CA5A: variants seen among roughly 807,000 people sequenced by gnomAD.
CA5A encodes the protein carbonic anhydrase 5A, mitochondrial.
In CA5A, 28 loss-of-function variants were observed where a neutral mutation model predicts 37.1. That is an observed-to-expected ratio of 0.75 (90% CI 0.56 to 1.03). The LOEUF (loss-of-function observed/expected upper bound fraction) is 1.03. CA5A is among the 50% of genes least tolerant of loss of function. The pLI is 0.00. For missense variants in CA5A, 444 were observed against 399.9 expected (o/e 1.11, Z -0.94); for synonymous variants, 171 against 158.4 (o/e 1.08, Z -0.60).
At chr16:87,921,255 C>T (rs2056225520) in intron 2 of CA5A, among the ~76,000 whole-genome samples, 1 of 152,328 alleles carries the variant, frequency 6.6e-6, no homozygotes, top group African/African-American at 2.4e-5. Flanking sequence ...TTTATCAGGA[C>T]TCTTGGAAGC....
chr16:87,925,462 G>A (rs1411546023), intron 2 of CA5A: 1 of 152,200 alleles, frequency 6.6e-6, no homozygotes, highest in Non-Finnish European at 1.5e-5. Flanking sequence ...GCAACTCAGT[G>A]CCCAAGGGTT....
chr16:87,909,499 G>A (rs1289938761), intron 2 of CA5A, among the ~76,000 whole-genome samples: 2 of 152,236 alleles, frequency 1.3e-5, no homozygotes, highest in African/African-American at 4.8e-5. Context: ...AACAGCAGGT[G>A]CAGGGGCCGA....
At chr16:87,923,918 T>G (rs1281686447) in intron 2 of CA5A, 2 of 984,848 alleles carry the variant, frequency 2.0e-6, no homozygotes, top group Non-Finnish European at 2.4e-6. Context: ...TCAGGAACTA[T>G]TTTTGGTTTT....
At chr16:87,916,658 T>C (rs1288305195) in intron 2 of CA5A, among the ~76,000 whole-genome samples, 1 of 152,244 alleles carries the variant, frequency 6.6e-6, no homozygotes, top group Non-Finnish European at 1.5e-5. Flanking sequence ...TATTAATTAA[T>C]GTTTACTAAT....
chr16:87,926,599 T>C (rs1056408338), intron 2 of CA5A, 149 bp downstream of exon 2: 2 of 640,616 alleles, frequency 3.1e-6, no homozygotes, highest in Non-Finnish European at 5.5e-6. Flanking sequence ...CCCAGGTGTG[T>C]CCTCCCTCAA....
Position 87,893,128 on chromosome 16 carries a change from T to C in CA5A, c.619-1174A>G, listed in dbSNP as rs1298394395. The C allele has an allele frequency of 6.3e-6, 3 of 477,328 alleles. No homozygotes were observed. The East Asian group carries it at 1.1e-4, about 17-fold the overall frequency. The allele number at this position is 477,328 out of a possible 1,614,324, so 29.6% of individuals were successfully genotyped here. A position where few individuals can be genotyped will look rare whatever the true frequency, so the allele number is the denominator to read the frequency against. ...TAGAGACATTTCTTTCTTTCTTCCT[T>C]TCTTTCTTTCTTTCTTTCTTTTTTT... On this transcript the variant is annotated intron_variant, in intron 5 of 6. Coordinates refer to ENST00000649794, the MANE Select transcript of CA5A (RefSeq NM_001739.2).
At chr16:87,936,100 A>G (rs2056466776) in intron 1 of CA5A, among the ~76,000 whole-genome samples, 1 of 148,748 alleles carries the variant, frequency 6.7e-6, no homozygotes, top group Non-Finnish European at 1.5e-5. Flanking sequence ...TGAACCCGGG[A>G]AGTGGAGGTT....
intron 2 of CA5A, among the ~76,000 whole-genome samples, chr16:87,917,118 AAAAG>A (rs1425171110): frequency 7.9e-5 from 6 of 76,388 alleles, no homozygotes; most frequent in African/African-American, 3.1e-4. Context: ...AAAAAAAAAA[AAAAG>A]AAAAGAAAAG....
rs1229010659 is a variant in CA5A at position 87,888,398 on chromosome 16, T to C, written c.775-126A>G. The C allele has an allele frequency of 2.9e-5, 24 of 831,808 alleles. No homozygotes were observed. The Admixed American group carries it at 4.6e-4, about 16-fold the overall frequency. The allele number at this position is 831,808 out of a possible 1,614,324, so 51.5% of individuals were successfully genotyped here. A position where few individuals can be genotyped will look rare whatever the true frequency, so the allele number is the denominator to read the frequency against. On this transcript the variant is annotated intron_variant, in intron 6 of 6. Coordinates refer to ENST00000649794, the MANE Select transcript of CA5A (RefSeq NM_001739.2). ...AGGATGGCCCGAAATGATCAATAAATATGGTGGAAGTGATGGTGTGTGCAG... is the reference window on the plus strand; with the variant it reads ...AGGATGGCCCGAAATGATCAATAAACATGGTGGAAGTGATGGTGTGTGCAG...
intron 2 of CA5A, chr16:87,923,864 T>G (rs942763134): frequency 1.3e-5 from 13 of 984,386 alleles, no homozygotes; most frequent in Non-Finnish European, 1.6e-5. Context: ...GTTCTCAAAA[T>G]TACTAATACA....
At position 87,926,874 on chromosome 16, in the gene CA5A, T is replaced by G. The variant is rs150841082; in HGVS notation, c.214A>C (p.Arg72=). 2,486 of 1,612,346 alleles carry G rather than the reference T, an allele frequency of 1.5e-3. 3 individuals are homozygous for G. The highest frequency in any genetic ancestry group is 1.9e-3 in the Non-Finnish European group (2,237 of 1,179,118). Reference sequence around the variant, plus strand: ...AGCTGGGGGTCATAGACGCTGTCCCTCCACTGGATGTTAATAGGAGACTGC... The same window carrying G: ...AGCTGGGGGTCATAGACGCTGTCCCGCCACTGGATGTTAATAGGAGACTGC... The part of the protein sequence containing the change: ...TRQSPINIQW[R]DSVYDPQLKP... The change falls in exon 2 of 7, where the codon AGG becomes CGG. Residue 72 remains arginine (R), a synonymous_variant. Coordinates refer to ENST00000649794, the MANE Select transcript of CA5A (RefSeq NM_001739.2).
At chr16:87,925,813 C>T (rs1228831826) in intron 2 of CA5A, among the ~76,000 whole-genome samples, 11 of 152,102 alleles carry the variant, frequency 7.2e-5, no homozygotes, top group African/African-American at 2.4e-4. Flanking sequence ...CAGCCCACCC[C>T]GTCCCTCCAC....
In CA5A at chr16:87,894,594, A is replaced by G. The variant is rs534350258; in HGVS notation, c.619-2640T>C. 1.9e-3 allele frequency among the ~76,000 whole-genome samples: 285 copies of G among 152,020 alleles called. 2 individuals are homozygous for G. The highest frequency in any genetic ancestry group is 6.6e-3 in the African/African-American group (272 of 41,434). ...TAATTAAAAAAAAAAAAACAGCATT[A>G]TAGGCTGGGCACAGTGGCTCATGCC... On this transcript the variant is annotated intron_variant, in intron 5 of 6. Transcript: ENST00000649794.
intron 6 of CA5A, among the ~76,000 whole-genome samples, chr16:87,891,144 A>G (rs1049890580): frequency 1.7e-4 from 12 of 71,192 alleles, no homozygotes; most frequent in African/African-American, 5.4e-4. Flanking sequence ...TTAATTTTCG[A>G]AAAAAAAAAA....
intron 1 of CA5A, among the ~76,000 whole-genome samples, chr16:87,932,404 A>C (rs2056420154): frequency 6.6e-6 from 1 of 151,964 alleles, no homozygotes; most frequent in African/African-American, 2.4e-5. Flanking sequence ...AGCTGCACCA[A>C]CGGGCCCACC....
intron 5 of CA5A, among the ~76,000 whole-genome samples, chr16:87,898,610 A>G (rs2055834547): frequency 6.6e-6 from 1 of 152,224 alleles, no homozygotes; most frequent in African/African-American, 2.4e-5. Flanking sequence ...TGCCTTCCAC[A>G]GCAGACTTGA....
At chr16:87,885,190 A>C (rs539726374), downstream of CA5A, 40 of 169,976 alleles carry the variant, frequency 2.4e-4, no homozygotes, top group Non-Finnish European at 1.6e-4. Flanking sequence ...AAACAAAACA[A>C]AACAACAACA....
exon 5 of CA5A, chr16:87,881,795 T>C (rs981222761): frequency 2.0e-5 from 3 of 152,198 alleles, no homozygotes; most frequent in Admixed American, 2.0e-4. Context: ...CCTCTCGGCG[T>C]GTTTGTGGTT....
intron 6 of CA5A, among the ~76,000 whole-genome samples, chr16:87,888,765 G>T (rs1456386820): frequency 1.3e-5 from 2 of 152,178 alleles, no homozygotes; most frequent in African/African-American, 4.8e-5. Flanking sequence ...TGTTGTTGTT[G>T]TTTGAGACAG....
Sources: allele counts gnomAD v4.1 joint callset (sites outside exome capture counted in the v4.1 genomes callset), GRCh38; gene constraint gnomAD v4.1.1; transcripts MANE v1.5; gene names NCBI Gene and HGNC (gene_info 2026-07-23, HGNC 2026-07-21).